Variants in CNTNAP5 observed in about 807,000 individuals in gnomAD.
The protein encoded by CNTNAP5 is contactin-associated protein-like 5.
A neutral mutation model predicts 150.2 loss-of-function variants in CNTNAP5; 72 were observed. That is an observed-to-expected ratio of 0.48 (90% CI 0.40 to 0.58). The LOEUF is 0.58. Ranked by LOEUF, CNTNAP5 falls within the 20% of genes least tolerant of loss-of-function variation. The pLI is 0.00. For synonymous variants in CNTNAP5, 672 were observed against 619.8 expected (o/e 1.08, Z -1.25); for missense variants, 1,636 against 1,626.2 (o/e 1.01, Z -0.10).
At chr2:124,457,970 G>A (rs1352135487) in intron 6 of CNTNAP5, among the ~76,000 whole-genome samples, 2 of 151,498 alleles carry the variant, frequency 1.3e-5, no homozygotes, top group South Asian at 4.1e-4. Flanking sequence ...TAGTGGCAAT[G>A]TAAACTAGTA....
At chr2:124,744,069 T>A (rs1032202377) in intron 13 of CNTNAP5, among the ~76,000 whole-genome samples, 2 of 152,166 alleles carry the variant, frequency 1.3e-5, no homozygotes, top group Non-Finnish European at 2.9e-5. Flanking sequence ...CTGTTTTATA[T>A]TTTCCATATA....
At chr2:124,862,045 C>A (rs557580341) in intron 19 of CNTNAP5, among the ~76,000 whole-genome samples, 20 of 152,288 alleles carry the variant, frequency 1.3e-4, no homozygotes, top group African/African-American at 3.8e-4. Context: ...AACTCCTGAC[C>A]TCAGGTGATC....
chr2:124,346,439 C>T (rs1689738869), intron 3 of CNTNAP5, among the ~76,000 whole-genome samples: 1 of 152,074 alleles, frequency 6.6e-6, no homozygotes, highest in Admixed American at 6.5e-5. Context: ...ACACAATGAA[C>T]ATACCAGTTA....
intron 3 of CNTNAP5, among the ~76,000 whole-genome samples, chr2:124,386,175 A>G (rs1245221902): frequency 6.6e-6 from 1 of 152,150 alleles, no homozygotes; most frequent in East Asian, 1.9e-4. Context: ...CCTTTGTATG[A>G]TAGCTGCGCA....
intron 12 of CNTNAP5, among the ~76,000 whole-genome samples, chr2:124,619,201 C>T (rs754914464): frequency 4.6e-5 from 7 of 152,108 alleles, no homozygotes; most frequent in Non-Finnish European, 1.0e-4. Context: ...CTAATTGGGT[C>T]GGTAGGGAAA....
intron 19 of CNTNAP5, among the ~76,000 whole-genome samples, chr2:124,819,188 G>A (rs1267078337): frequency 6.6e-6 from 1 of 152,034 alleles, no homozygotes; most frequent in Non-Finnish European, 1.5e-5. Context: ...TTATTTGTTT[G>A]TTGCCTGTCA....
intron 3 of CNTNAP5, among the ~76,000 whole-genome samples, chr2:124,357,150 GTTGT>G (rs1161795131): frequency 1.3e-5 from 2 of 152,058 alleles, no homozygotes; most frequent in African/African-American, 2.4e-5. Context: ...TTTTGATGGG[GTTGT>G]TTGTTTTTTT....
chr2:124,766,527 T>C (rs1405372463), intron 16 of CNTNAP5, among the ~76,000 whole-genome samples: 2 of 152,172 alleles, frequency 1.3e-5, no homozygotes, highest in African/African-American at 4.8e-5. Flanking sequence ...ATCTTCTTAA[T>C]TGGTAGTTTT....
intron 1 of CNTNAP5, among the ~76,000 whole-genome samples, chr2:124,037,247 C>G (rs1482402817): frequency 6.6e-6 from 1 of 152,152 alleles, no homozygotes; most frequent in Non-Finnish European, 1.5e-5. Context: ...TGATCACTGC[C>G]CACTATTAGT....
chr2:124,388,488 G>C (rs76090667), intron 3 of CNTNAP5, among the ~76,000 whole-genome samples: 3 of 152,202 alleles, frequency 2.0e-5, no homozygotes, highest in Non-Finnish European at 4.4e-5. Context: ...GAAGCTTAGG[G>C]AGCCAGCCTT....
At chr2:124,591,171 A>T (rs1177553420) in intron 11 of CNTNAP5, among the ~76,000 whole-genome samples, 1 of 152,194 alleles carries the variant, frequency 6.6e-6, no homozygotes, top group African/African-American at 2.4e-5. Context: ...CAATAGGTTT[A>T]CTAGTTACTG....
intron 1 of CNTNAP5, among the ~76,000 whole-genome samples, chr2:124,050,575 G>A (rs755950594): frequency 2.0e-5 from 3 of 152,064 alleles, no homozygotes; most frequent in African/African-American, 7.2e-5. Context: ...TGCACTTTCC[G>A]GGGTGCTCCA....
chr2:124,719,345 A>T (rs1680006626), intron 13 of CNTNAP5, among the ~76,000 whole-genome samples: 1 of 152,168 alleles, frequency 6.6e-6, no homozygotes, highest in African/African-American at 2.4e-5. Context: ...AAGATTTTTA[A>T]TTCTGTGGCT....
intron 5 of CNTNAP5, among the ~76,000 whole-genome samples, chr2:124,438,596 C>T (rs375080846): frequency 1.3e-5 from 2 of 152,050 alleles, no homozygotes; most frequent in African/African-American, 2.4e-5. Context: ...AGGGTTCAGG[C>T]GCCAAAGCAT....
intron 3 of CNTNAP5, among the ~76,000 whole-genome samples, chr2:124,324,037 A>C (rs565570385): frequency 6.6e-6 from 1 of 152,184 alleles, no homozygotes; most frequent in African/African-American, 2.4e-5. Context: ...AGAGCCAAAA[A>C]TACATTCATT....
intron 3 of CNTNAP5, among the ~76,000 whole-genome samples, chr2:124,280,135 C>G (rs1477036206): frequency 6.6e-6 from 1 of 151,554 alleles, no homozygotes; most frequent in Non-Finnish European, 1.5e-5. Context: ...CAGCCACCTT[C>G]TCTGTGATTA....
At chr2:124,320,781 T>C (rs1689079404) in intron 3 of CNTNAP5, among the ~76,000 whole-genome samples, 1 of 152,182 alleles carries the variant, frequency 6.6e-6, no homozygotes, top group African/African-American at 2.4e-5. Flanking sequence ...TGTGTGGGTA[T>C]TTGTGTGTTG....
At chr2:124,758,672 T>C (rs1450795021) in intron 14 of CNTNAP5, among the ~76,000 whole-genome samples, 7 of 152,026 alleles carry the variant, frequency 4.6e-5, no homozygotes, top group African/African-American at 1.2e-4. Context: ...GAAGAAAATT[T>C]GGCTCTGAAG....
chr2:124,478,066 TA>T (rs1301516602), intron 7 of CNTNAP5, among the ~76,000 whole-genome samples: 3 of 151,902 alleles, frequency 2.0e-5, no homozygotes, highest in Non-Finnish European at 4.4e-5. Context: ...TATTATGTGT[TA>T]AAAAATATCT....
Sources: gnomAD v4.1 joint callset for allele counts (sites outside exome capture counted in the v4.1 genomes callset) on GRCh38, gnomAD v4.1.1 for gene constraint, MANE v1.5 for transcripts, NCBI Gene and HGNC (gene_info 2026-07-23, HGNC 2026-07-21) for gene names.